Variants in TRPM8 observed in about 807,000 individuals in gnomAD.
TRPM8 encodes transient receptor potential cation channel subfamily M member 8.
In TRPM8, 110 loss-of-function variants were observed where a neutral mutation model predicts 133.7. That is an observed-to-expected ratio of 0.82 (90% CI 0.70 to 0.96). The LOEUF (loss-of-function observed/expected upper bound fraction) is 0.96, where lower values mean the gene tolerates loss of function less well. TRPM8 is among the 40% of genes least tolerant of loss of function. TRPM8 has a pLI of 0.00. For synonymous variants in TRPM8, 535 were observed against 532.3 expected, an observed-to-expected ratio of 1.01 and a Z score of -0.07; for missense variants, 1,291 against 1,379.5, an observed-to-expected ratio of 0.94 and a Z score of 1.02.
intron 21 of TRPM8, among the ~76,000 whole-genome samples, chr2:233,986,300 A>C (rs1475248303): frequency 1.3e-5 from 2 of 152,250 alleles, no homozygotes; most frequent in Non-Finnish European, 2.9e-5. Context: ...TTTTCAGTTT[A>C]AATCAGAATA....
intron 24 of TRPM8, among the ~76,000 whole-genome samples, chr2:234,009,616 C>T (rs1692782147): frequency 6.6e-6 from 1 of 152,158 alleles, no homozygotes; most frequent in African/African-American, 2.4e-5. Flanking sequence ...TCGGCCATCA[C>T]TCAGGAGGTC....
chr2:233,984,041 G>T (rs534674775), intron 20 of TRPM8, among the ~76,000 whole-genome samples: 7 of 152,168 alleles, frequency 4.6e-5, no homozygotes, highest in African/African-American at 7.2e-5. Context: ...TGTGCCTGCC[G>T]CTTTACAGAA....
chr2:233,945,238 C>A (rs982447773), intron 6 of TRPM8, among the ~76,000 whole-genome samples: 1 of 152,072 alleles, frequency 6.6e-6, no homozygotes, highest in South Asian at 2.1e-4. Context: ...AGTGAGGAAC[C>A]TTTTTGGTAA....
At chr2:233,961,337 G>A (rs549640956) in intron 12 of TRPM8, among the ~76,000 whole-genome samples, 23 of 152,112 alleles carry the variant, frequency 1.5e-4, no homozygotes, top group East Asian at 7.7e-4. Context: ...ATGGAGTCTC[G>A]CTCTGTCACC....
intron 11 of TRPM8, among the ~76,000 whole-genome samples, chr2:233,957,251 C>A (rs940777527): frequency 1.3e-4 from 19 of 151,926 alleles, no homozygotes; most frequent in Admixed American, 2.6e-4. Context: ...TTTGAGAGGC[C>A]AAGGCGAGAG....
chr2:233,935,685 T>C (rs548703879), intron 3 of TRPM8, among the ~76,000 whole-genome samples: 1 of 152,332 alleles, frequency 6.6e-6, no homozygotes, highest in South Asian at 2.1e-4. Context: ...CCTTCTCCAC[T>C]GGCCATGGCC....
chr2:233,962,699 G>A (rs10929321), intron 12 of TRPM8, among the ~76,000 whole-genome samples: 114,485 of 152,174 alleles, frequency 0.75, 44,128 homozygotes, highest in African/African-American at 0.93. Flanking sequence ...AATATGCCTC[G>A]TGCATTTTAT....
At chr2:234,008,392 C>G (rs983262540) in intron 24 of TRPM8, among the ~76,000 whole-genome samples, 1 of 152,152 alleles carries the variant, frequency 6.6e-6, no homozygotes, top group Non-Finnish European at 1.5e-5. Flanking sequence ...AAGATGCTTA[C>G]AATTATAGGG....
intron 3 of TRPM8, among the ~76,000 whole-genome samples, chr2:233,932,056 G>A (rs546406409): frequency 4.7e-4 from 71 of 152,326 alleles, no homozygotes; most frequent in African/African-American, 1.6e-3. Flanking sequence ...TAAGAATGGC[G>A]TTGCTTTGGG....
At chr2:233,956,622 A>C (rs1180901806) in intron 11 of TRPM8, among the ~76,000 whole-genome samples, 1 of 152,254 alleles carries the variant, frequency 6.6e-6, no homozygotes, top group Non-Finnish European at 1.5e-5. Context: ...TTCTTGGCAG[A>C]CAGGGTCAGA....
chr2:233,978,198 A>AGTGTGTGT (rs59259744), intron 17 of TRPM8, among the ~76,000 whole-genome samples: 7,630 of 146,004 alleles, frequency 0.052, 212 homozygotes, highest in East Asian at 0.071. Flanking sequence ...GGAATATTAT[A>AGTGTGTGT]GTGTGTGTGT....
intron 1 of TRPM8, among the ~76,000 whole-genome samples, chr2:233,922,920 G>A (rs1437544310): frequency 6.6e-6 from 1 of 152,128 alleles, no homozygotes; most frequent in African/African-American, 2.4e-5. Flanking sequence ...CCAGGCTGCA[G>A]TGCAGTGGCA....
chr2:233,935,959 T>A (rs1324020134), intron 3 of TRPM8, among the ~76,000 whole-genome samples: 1 of 152,118 alleles, frequency 6.6e-6, no homozygotes, highest in South Asian at 2.1e-4. Context: ...TTTAACTGCA[T>A]TTTTGCTTCT....
chr2:233,950,963 G>A (rs1691159267), intron 9 of TRPM8, among the ~76,000 whole-genome samples: 1 of 152,194 alleles, frequency 6.6e-6, no homozygotes, highest in Non-Finnish European at 1.5e-5. Context: ...CCCTTTGGGA[G>A]GCCAAGGCAA....
At chr2:233,982,942 G>A (rs1692045979) in intron 19 of TRPM8, 111 bp from the exon 20 acceptor site, 1 of 1,210,814 alleles carries the variant, frequency 8.3e-7, no homozygotes, top group Non-Finnish European at 1.2e-6. Flanking sequence ...TAGATGCTCT[G>A]AGCCCTGGAA....
intron 24 of TRPM8, chr2:234,013,139 C>T (rs1019303766): frequency 1.3e-5 from 2 of 152,170 alleles, no homozygotes; most frequent in African/African-American, 4.8e-5. Context: ...TGGCCTCACA[C>T]AATGAATTTG....
At chr2:233,946,662 C>T (rs1691050036) in intron 7 of TRPM8, among the ~76,000 whole-genome samples, 1 of 152,144 alleles carries the variant, frequency 6.6e-6, no homozygotes, top group South Asian at 2.1e-4. Flanking sequence ...ATTTTCCTTT[C>T]ACAATTGGAC....
chr2:233,964,551 CAAAAAAAAAAAA>C lies in TRPM8; in HGVS notation c.1750-62_1750-51del, dbSNP rs34817253. Reference sequence around the variant, plus strand: ...TGGGTCACAGAGTGAGACTCCGTCTCAAAAAAAAAAAAAAAAAAAAAAAAAAGAAAAGGAAAA... The same window carrying C: ...TGGGTCACAGAGTGAGACTCCGTCTCAAAAAAAAAAAAAAGAAAAGGAAAA... On this transcript the variant is annotated intron_variant, in intron 13 of 25. Transcript: ENST00000324695. 6.1e-3 allele frequency: 3,488 copies of C among 571,782 alleles called. 42 individuals carry two copies. The African/African-American group carries it at 0.11, about 18-fold the overall frequency. The allele number at this position is 571,782 out of a possible 1,614,324, so 35.4% of individuals were successfully genotyped here.
At chr2:233,986,457 C>T (rs1406308453) in intron 21 of TRPM8, among the ~76,000 whole-genome samples, 2 of 152,160 alleles carry the variant, frequency 1.3e-5, no homozygotes, top group Non-Finnish European at 2.9e-5. Context: ...TTTCAAAGAG[C>T]CCCAGTGGTA....
Sources: allele counts gnomAD v4.1 joint callset (sites outside exome capture counted in the v4.1 genomes callset), GRCh38; gene constraint gnomAD v4.1.1; transcripts MANE v1.5; gene names NCBI Gene and HGNC (gene_info 2026-07-23, HGNC 2026-07-21).